Variants in TMCO4 observed in about 807,000 individuals in gnomAD.
TMCO4 encodes the protein transmembrane and coiled-coil domains 4, also known as transmembrane and coiled-coil domain-containing protein 4.
Under a neutral mutation model 64.7 loss-of-function variants are expected in TMCO4, and 58 were observed. That is an observed-to-expected ratio of 0.90 (90% CI 0.73 to 1.12). The LOEUF is 1.12. Ranked by LOEUF, TMCO4 falls within the 50% of genes most tolerant of loss-of-function variation. TMCO4 has a pLI of 0.00. For missense variants in TMCO4, 780 were observed against 825.9 expected (o/e 0.94, Z 0.68); for synonymous variants, 325 against 346.1 (o/e 0.94, Z 0.68).
At chr1:19,786,772 T>C (rs2043765053) in intron 3 of TMCO4, among the ~76,000 whole-genome samples, 2 of 152,204 alleles carry the variant, frequency 1.3e-5, no homozygotes, top group African/African-American at 4.8e-5. Context: ...TAGTCGAACA[T>C]CTCTAAAGAA....
At chr1:19,796,866 C>A (rs2044335057) in intron 2 of TMCO4, among the ~76,000 whole-genome samples, 1 of 152,160 alleles carries the variant, frequency 6.6e-6, no homozygotes, top group Non-Finnish European at 1.5e-5. Flanking sequence ...AGCCACCACG[C>A]CTGGCCTGTG....
chr1:19,794,670 G>A (rs1166791378), intron 2 of TMCO4, among the ~76,000 whole-genome samples: 1 of 152,184 alleles, frequency 6.6e-6, no homozygotes, highest in African/African-American at 2.4e-5. Flanking sequence ...ATAATTGAAA[G>A]CTGGGTCTCA....
At chr1:19,735,568 C>T (rs779590818) in intron 13 of TMCO4, among the ~76,000 whole-genome samples, 1 of 152,186 alleles carries the variant, frequency 6.6e-6, no homozygotes, top group Non-Finnish European at 1.5e-5. Context: ...ACCAAGAAGC[C>T]ACCTGCCTCC....
chr1:19,728,259 A>G (rs1209665576), intron 13 of TMCO4, among the ~76,000 whole-genome samples: 1 of 152,198 alleles, frequency 6.6e-6, no homozygotes, highest in East Asian at 1.9e-4. Context: ...CAAAATCCTC[A>G]TTCTAGGGAG....
intron 13 of TMCO4, among the ~76,000 whole-genome samples, chr1:19,714,663 C>T (rs1334681110): frequency 6.6e-6 from 1 of 151,970 alleles, no homozygotes; most frequent in Non-Finnish European, 1.5e-5. Context: ...TGGCTCACGC[C>T]TGTAATCCCA....
At position 19,787,041 on chromosome 1, in the gene TMCO4, C is replaced by G. The variant is rs866519198; in HGVS notation, c.-24G>C. 1.3e-5 allele frequency: 2 copies of G among 152,316 alleles called. No homozygotes were observed. Among genetic ancestry groups the G allele is most frequent in the African/African-American group, 2.4e-5 (1 of 41,462 alleles). 9.4% of individuals were successfully genotyped at this position (152,316 alleles called of 1,614,324 possible). ...CAATACTTACCCAGATTTCAAGAAA[C>G]AGCCGTGGGCCTCTCTCTGTCTGAA... On this transcript the variant is annotated 5_prime_UTR_variant, in exon 3 of 16. Coordinates refer to ENST00000294543, the MANE Select transcript of TMCO4 (RefSeq NM_181719.7).
chr1:19,782,613 C>G (rs977221361), intron 3 of TMCO4, among the ~76,000 whole-genome samples: 1 of 152,154 alleles, frequency 6.6e-6, no homozygotes, highest in African/African-American at 2.4e-5. Context: ...TTTTCCTTCC[C>G]TCTATTCTTT....
At chr1:19,727,636 A>G (rs1214672486) in intron 13 of TMCO4, among the ~76,000 whole-genome samples, 1 of 152,240 alleles carries the variant, frequency 6.6e-6, no homozygotes, top group Non-Finnish European at 1.5e-5. Flanking sequence ...GGAGGGGCTG[A>G]AATATTGTAA....
Position 19,694,486 on chromosome 1 carries a change from T to C in TMCO4, c.1448A>G (p.Gln483Arg), listed in dbSNP as rs1295444659. The C allele has an allele frequency of 6.2e-7, 1 of 1,614,104 alleles. No homozygotes were observed. The highest frequency in any genetic ancestry group is 1.1e-5 in the South Asian group (1 of 91,084). Reference sequence around the variant, plus strand: ...CCTCCTGTCCTGCAGCAGCACGGGCTGTAGGCCGGCGACACGGAGCTGCAC... The same window carrying C: ...CCTCCTGTCCTGCAGCAGCACGGGCCGTAGGCCGGCGACACGGAGCTGCAC... ...SSVQLRVAGLQPVLLQDRRVE... is the reference protein window; with the variant it reads ...SSVQLRVAGLRPVLLQDRRVE... Residue 483 changes from glutamine to arginine, a missense_variant, in exon 15 of 16, where the codon CAG (glutamine) becomes CGG (arginine). Physicochemically the swap from Gln to Arg is conservative, Grantham distance 43. Coordinates refer to ENST00000294543, the MANE Select transcript of TMCO4 (RefSeq NM_181719.7).
At chr1:19,765,243 C>T (rs2042680773) in intron 6 of TMCO4, among the ~76,000 whole-genome samples, 1 of 152,196 alleles carries the variant, frequency 6.6e-6, no homozygotes, top group Admixed American at 6.5e-5. Flanking sequence ...GCAGAACCTT[C>T]ATTTTCTCCC....
intron 4 of TMCO4, among the ~76,000 whole-genome samples, chr1:19,779,297 C>T (rs1557612125): frequency 6.6e-6 from 1 of 152,120 alleles, no homozygotes. Context: ...CTGCCTCACC[C>T]GCAACACTCA....
Position 19,780,649 on chromosome 1 carries a change from G to C in TMCO4, c.110C>G (p.Ala37Gly). 1 of 1,614,010 alleles carries C rather than the reference G, an allele frequency of 6.2e-7. No homozygotes were observed. Among genetic ancestry groups the C allele is most frequent in the Non-Finnish European group, 8.5e-7 (1 of 1,179,960 alleles). ...HLPTGRELTEANRFAYAALCG... is the reference protein window; with the variant it reads ...HLPTGRELTEGNRFAYAALCG... ...GAGGGCAGCATAGGCGAAGCGGTTG[G>C]CCTCAGTCAGCTCCCGGCCCGTGGG... The change falls in exon 4 of 16, where the codon GCC becomes GGC. Residue 37 changes from alanine (A) to glycine (G), a missense_variant. Coordinates refer to ENST00000294543, the MANE Select transcript of TMCO4 (RefSeq NM_181719.7).
chr1:19,731,398 A>G (rs901138130), intron 13 of TMCO4, among the ~76,000 whole-genome samples: 15 of 152,248 alleles, frequency 9.9e-5, no homozygotes, highest in Admixed American at 8.5e-4. Flanking sequence ...ATTATTGCCT[A>G]TAACGTAATC....
intron 7 of TMCO4, among the ~76,000 whole-genome samples, chr1:19,751,585 G>A (rs765406747): frequency 2.0e-5 from 3 of 152,162 alleles, no homozygotes; most frequent in Admixed American, 6.5e-5. Context: ...CAGTCTGGGT[G>A]ACAGAGTAAG....
At chr1:19,767,215 T>C (rs1290305575) in intron 6 of TMCO4, among the ~76,000 whole-genome samples, 1 of 152,236 alleles carries the variant, frequency 6.6e-6, no homozygotes, top group Non-Finnish European at 1.5e-5. Context: ...TTCACTTCTA[T>C]GGGCCTCGGT....
At chr1:19,729,818 G>C (rs1378656559) in intron 13 of TMCO4, among the ~76,000 whole-genome samples, 1 of 152,040 alleles carries the variant, frequency 6.6e-6, no homozygotes, top group Non-Finnish European at 1.5e-5. Flanking sequence ...TGATTTTATT[G>C]TTCATAACAC....
intron 2 of TMCO4, among the ~76,000 whole-genome samples, chr1:19,793,867 T>C (rs2044176124): frequency 2.0e-5 from 3 of 152,060 alleles, no homozygotes; most frequent in Admixed American, 6.5e-5. Flanking sequence ...CCTCTCCACA[T>C]ATCTGCTTTT....
In TMCO4 at chr1:19,717,402, G is replaced by A. The variant is rs2095361783; in HGVS notation, c.1265-16517C>T. On this transcript the variant is annotated intron_variant, in intron 13 of 15. Coordinates refer to ENST00000294543, the MANE Select transcript of TMCO4 (RefSeq NM_181719.7). The stretch of plus-strand genomic sequence containing the variant: ...ACAGGTCCTGGGATGTCATGGCGTA[G>A]GTCACAGGAGACATTTGCTGGCTGA... Among the ~76,000 whole-genome samples the A allele has an allele frequency of 3.3e-5, 5 of 152,238 alleles. No homozygotes were observed. The South Asian group carries it at 1.0e-3, about 32-fold the overall frequency.
chr1:19,777,431 TC>T (rs2043259613), intron 4 of TMCO4, among the ~76,000 whole-genome samples: 1 of 147,030 alleles, frequency 6.8e-6, no homozygotes. Flanking sequence ...CACTGCAACC[TC>T]TGCTTCCCAG....
Sources: allele counts gnomAD v4.1 joint callset (sites outside exome capture counted in the v4.1 genomes callset), GRCh38; gene constraint gnomAD v4.1.1; transcripts MANE v1.5; gene names NCBI Gene and HGNC (gene_info 2026-07-23, HGNC 2026-07-21).